The following RBFOX3 variants were observed in gnomAD, a reference collection of about 807,000 sequenced individuals.
RBFOX3 encodes the protein RNA binding protein fox-1 homolog 3.
Under a neutral mutation model 48.7 loss-of-function variants are expected in RBFOX3, and 17 were observed. The observed-to-expected ratio is 0.35, with a 90% CI of 0.24 to 0.52. The LOEUF (loss-of-function observed/expected upper bound fraction) is 0.52, where lower values mean the gene tolerates loss of function less well. RBFOX3 is among the 20% of genes least tolerant of loss of function. The pLI is 0.94. For synonymous variants in RBFOX3, 212 were observed against 209.5 expected, an observed-to-expected ratio of 1.01 and a Z score of -0.10; for missense variants, 382 against 497.5, an observed-to-expected ratio of 0.77 and a Z score of 2.21.
Position 79,423,212 on chromosome 17 carries a change from C to T in RBFOX3, c.-175+59242G>A, listed in dbSNP as rs7211021. Among the ~76,000 whole-genome samples, 36,491 of 152,138 alleles carry T rather than the reference C, an allele frequency of 0.24. 4,504 individuals carry two copies. The highest frequency in any genetic ancestry group is 0.32 in the Middle Eastern group (93 of 294). ...CCAAAACCAAACTCCTCACGTCCTG[C>T]GGTCTCCCCGTGGAAGCCCCATCTT... On this transcript the variant is annotated intron_variant, in intron 2 of 14. Coordinates refer to ENST00000693108, the MANE Select transcript of RBFOX3 (RefSeq NM_001350451.2). This position sits in a 1 kb window ranked among gnomAD's most constrained non-coding sequence, Gnocchi z 4.9.
intron 4 of RBFOX3, among the ~76,000 whole-genome samples, chr17:79,126,812 C>T (rs976478520): frequency 2.0e-5 from 3 of 152,186 alleles, no homozygotes; most frequent in South Asian, 2.1e-4. Flanking sequence ...GCCTCCTGAC[C>T]GGTGCTTTAC....
At chr17:79,495,124 C>T (rs1598933146) in intron 1 of RBFOX3, among the ~76,000 whole-genome samples, 1 of 151,344 alleles carries the variant, frequency 6.6e-6, no homozygotes, top group Non-Finnish European at 1.5e-5. Context: ...CCTCACAGCC[C>T]ATCCTGTTTC....
At position 79,609,197 on chromosome 17, in the gene RBFOX3, T is replaced by C. The variant is rs959960007; in HGVS notation, c.-320+1629A>G. Among the ~76,000 whole-genome samples the C allele has an allele frequency of 3.2e-4, 48 of 152,284 alleles. 2 individuals carry two copies. In the South Asian group the frequency reaches 8.5e-3, roughly 27 times the overall value. The stretch of plus-strand genomic sequence containing the variant: ...TGCCGCAATGTTTATACTTTTTTTT[T>C]CCATTATGTTTTGCAGACCAGTAAA... On this transcript the variant is annotated intron_variant, in intron 1 of 14. Coordinates refer to ENST00000693108, the MANE Select transcript of RBFOX3 (RefSeq NM_001350451.2).
chr17:79,433,384 C>G (rs1381206193), intron 2 of RBFOX3, among the ~76,000 whole-genome samples: 3 of 152,212 alleles, frequency 2.0e-5, no homozygotes, highest in Admixed American at 6.5e-5. Context: ...AGAGGGGGCA[C>G]TGTTCCCACT....
At chr17:79,554,663 G>A (rs2091472885) in intron 1 of RBFOX3, among the ~76,000 whole-genome samples, 1 of 152,262 alleles carries the variant, frequency 6.6e-6, no homozygotes, top group African/African-American at 2.4e-5. Context: ...ACCTAACACA[G>A]GGTCTCACAC....
chr17:79,228,145 C>G (rs2060547159), intron 4 of RBFOX3, among the ~76,000 whole-genome samples: 2 of 152,322 alleles, frequency 1.3e-5, no homozygotes, highest in Admixed American at 1.3e-4. Flanking sequence ...CTCTCGTCAC[C>G]TGTTCTGTCT....
intron 4 of RBFOX3, among the ~76,000 whole-genome samples, chr17:79,196,246 C>T (rs1482721770): frequency 1.3e-5 from 2 of 152,118 alleles, no homozygotes; most frequent in African/African-American, 4.8e-5. Context: ...CCCGCATCTC[C>T]TACCTTCTAC....
intron 1 of RBFOX3, among the ~76,000 whole-genome samples, chr17:79,570,152 A>T (rs1185566602): frequency 6.6e-6 from 1 of 150,536 alleles, no homozygotes; most frequent in Non-Finnish European, 1.5e-5. Flanking sequence ...AAATGGACAG[A>T]TGGATAATAG....
rs149250737 is a variant in RBFOX3, at chr17:79,217,941, G to C, written c.-34+17825C>G. ...GAGAGGGCAGGGTGGGGAGAAGTTA[G>C]CGCTCTGTGTTACGAAGGTGAGATT... On this transcript the variant is annotated intron_variant, in intron 4 of 14. Transcript: ENST00000693108. Among the ~76,000 whole-genome samples, 499 of 152,184 alleles carry C rather than the reference G, an allele frequency of 3.3e-3. 3 individuals carry two copies. The highest frequency in any genetic ancestry group is 0.011 in the African/African-American group (461 of 41,518).
In RBFOX3 at chr17:79,573,465, C is replaced by T. The variant is rs988474584; in HGVS notation, c.-320+37361G>A. On this transcript the variant is annotated intron_variant, in intron 1 of 14. Transcript: ENST00000693108. ...AGGAGGGGCTTCCAGGCTGAGCACTCGGAGCCCACGGCCCTGGAGACACTC... is the reference window on the plus strand; with the variant it reads ...AGGAGGGGCTTCCAGGCTGAGCACTTGGAGCCCACGGCCCTGGAGACACTC... Among the ~76,000 whole-genome samples the T allele has an allele frequency of 4.9e-4, 75 of 152,224 alleles. 1 individual carries two copies. Among genetic ancestry groups the T allele is most frequent in the African/African-American group, 1.7e-3 (71 of 41,542 alleles).
At chr17:79,389,475 G>C (rs917381713) in intron 2 of RBFOX3, among the ~76,000 whole-genome samples, 1 of 152,184 alleles carries the variant, frequency 6.6e-6, no homozygotes, top group South Asian at 2.1e-4. Context: ...AGCCCTTGAG[G>C]GGGTATTTAC....
At chr17:79,557,853 A>G (rs1218459102) in intron 1 of RBFOX3, among the ~76,000 whole-genome samples, 5 of 152,200 alleles carry the variant, frequency 3.3e-5, no homozygotes, top group South Asian at 2.1e-4. Context: ...GACAACAGAC[A>G]GGTCACGAGC....
intron 4 of RBFOX3, among the ~76,000 whole-genome samples, chr17:79,217,002 A>G (rs1015926738): frequency 6.6e-6 from 1 of 152,176 alleles, no homozygotes; most frequent in African/African-American, 2.4e-5. Context: ...ATCCGAAGGC[A>G]GAGATACCCC....
chr17:79,466,157 C>T (rs1037733795), intron 2 of RBFOX3, among the ~76,000 whole-genome samples: 1 of 152,200 alleles, frequency 6.6e-6, no homozygotes, highest in Non-Finnish European at 1.5e-5. Context: ...GGGCTGGGGA[C>T]AAGATCTCTC....
intron 2 of RBFOX3, among the ~76,000 whole-genome samples, chr17:79,377,459 G>A (rs925502400): frequency 2.6e-5 from 4 of 152,122 alleles, no homozygotes; most frequent in African/African-American, 7.2e-5. Flanking sequence ...GTGGGCATGC[G>A]CACGCACACA....
chr17:79,348,768 CG>C (rs1438380114), intron 2 of RBFOX3, among the ~76,000 whole-genome samples: 1 of 151,580 alleles, frequency 6.6e-6, no homozygotes, highest in Non-Finnish European at 1.5e-5. Context: ...TTAGTAGGGA[CG>C]GGGTTTCACC....
intron 1 of RBFOX3, among the ~76,000 whole-genome samples, chr17:79,594,280 C>G (rs2093506596): frequency 6.6e-6 from 1 of 152,196 alleles, no homozygotes; most frequent in South Asian, 2.1e-4. Flanking sequence ...CAAGGTCTTT[C>G]TTCTAGAAGA....
At chr17:79,338,676 C>T (rs1240645745) in intron 2 of RBFOX3, among the ~76,000 whole-genome samples, 2 of 152,170 alleles carry the variant, frequency 1.3e-5, no homozygotes, top group Non-Finnish European at 2.9e-5. Flanking sequence ...TTTACCATTC[C>T]CTGTCCTTTT....
intron 2 of RBFOX3, among the ~76,000 whole-genome samples, chr17:79,463,331 T>G (rs1389991712): frequency 2.2e-5 from 1 of 45,460 alleles, no homozygotes. Context: ...CACCGCCACC[T>G]CCACCACCAT....
Sources: allele counts gnomAD v4.1 joint callset (sites outside exome capture counted in the v4.1 genomes callset), GRCh38; gene constraint gnomAD v4.1.1; non-coding constraint Gnocchi (gnomAD v3.1); transcripts MANE v1.5; gene names NCBI Gene and HGNC (gene_info 2026-07-23, HGNC 2026-07-21).